The following RABGAP1 variants were observed in gnomAD, a reference collection of about 807,000 sequenced individuals.
RABGAP1 encodes RAB GTPase activating protein 1, also known as rab GTPase-activating protein 1.
In RABGAP1, 23 loss-of-function variants were observed where a neutral mutation model predicts 137.6. That is an observed-to-expected ratio of 0.17 (90% CI 0.12 to 0.24). The LOEUF (loss-of-function observed/expected upper bound fraction) is 0.24, where lower values mean the gene tolerates loss of function less well. Ranked by LOEUF, RABGAP1 falls within the 10% of genes least tolerant of loss-of-function variation. The pLI is 1.00. For missense variants in RABGAP1, 906 were observed against 1,275.8 expected, an observed-to-expected ratio of 0.71 and a Z score of 4.42; for synonymous variants, 451 against 450.7, an observed-to-expected ratio of 1.00 and a Z score of -0.01.
rs552457119 is a variant in RABGAP1, at chr9:123,051,216, G to GTTTTTTTTTTTTT, written c.1795-14096_1795-14084dup. On this transcript the variant is annotated intron_variant, in intron 13 of 25. Coordinates refer to ENST00000373647, the MANE Select transcript of RABGAP1 (RefSeq NM_012197.4). Reference sequence around the variant, plus strand: ...ACATGTTGTGATTTTATTCACCTTGGTTTTTTTTTTTTTTTTTTTTTTTTT... The same window carrying GTTTTTTTTTTTTT: ...ACATGTTGTGATTTTATTCACCTTGGTTTTTTTTTTTTTTTTTTTTTTTTTTTTTTTTTTTTTT... 2.6e-4 allele frequency among the ~76,000 whole-genome samples: 9 copies of GTTTTTTTTTTTTT among 34,274 alleles called. 2 individuals are homozygous for GTTTTTTTTTTTTT. Among genetic ancestry groups the GTTTTTTTTTTTTT allele is most frequent in the East Asian group, 8.1e-4 (1 of 1,238 alleles). The allele number at this position is 34,274 out of a possible 152,430, so 22.5% of individuals were successfully genotyped here.
At chr9:122,996,401 T>C (rs1375249324) in intron 7 of RABGAP1, 138 bp from the exon 8 acceptor site, 2 of 1,100,866 alleles carry the variant, frequency 1.8e-6, no homozygotes, top group Non-Finnish European at 2.5e-6. Flanking sequence ...AGGATTATTA[T>C]TTTAGCAACA....
intron 2 of RABGAP1, among the ~76,000 whole-genome samples, chr9:122,960,301 A>C (rs935494083): frequency 7.9e-5 from 12 of 152,218 alleles, no homozygotes; most frequent in Admixed American, 5.2e-4. Context: ...ACTGTAGTGC[A>C]TTGTTGAAAT....
At chr9:122,937,352 G>A (rs552433997), upstream of RABGAP1, among the ~76,000 whole-genome samples, 13 of 152,226 alleles carry the variant, frequency 8.5e-5, no homozygotes, top group East Asian at 1.2e-3. Flanking sequence ...TAATCCCAGC[G>A]CTTTGGGAAG....
At chr9:122,937,396 C>T (rs1001258581), upstream of RABGAP1, among the ~76,000 whole-genome samples, 22 of 152,084 alleles carry the variant, frequency 1.4e-4, no homozygotes, top group African/African-American at 5.1e-4. Flanking sequence ...GTCAGGAGTT[C>T]GAGACCAGCC....
intron 1 of RABGAP1, among the ~76,000 whole-genome samples, chr9:122,954,909 A>G (rs999684107): frequency 2.0e-5 from 3 of 152,224 alleles, no homozygotes; most frequent in Non-Finnish European, 4.4e-5. Context: ...TTTTTGAAAT[A>G]GAGATGTGAC....
intron 11 of RABGAP1, among the ~76,000 whole-genome samples, chr9:123,013,818 T>C (rs1017819363): frequency 6.6e-6 from 1 of 152,212 alleles, no homozygotes; most frequent in African/African-American, 2.4e-5. Context: ...TTGCTGTCTC[T>C]GTTGGAGATG....
intron 2 of RABGAP1, among the ~76,000 whole-genome samples, chr9:122,967,131 A>G (rs1319499862): frequency 6.6e-6 from 1 of 152,192 alleles, no homozygotes; most frequent in African/African-American, 2.4e-5. Flanking sequence ...AGCAGTAGTG[A>G]TCAGGTATGT....
intron 1 of RABGAP1, among the ~76,000 whole-genome samples, chr9:122,944,266 C>T (rs1833803776): frequency 1.3e-5 from 2 of 150,594 alleles, no homozygotes; most frequent in South Asian, 2.1e-4. Flanking sequence ...GTTTTGTTCT[C>T]TTTCCCAGGC....
intron 13 of RABGAP1, among the ~76,000 whole-genome samples, 183 bp from the exon 14 acceptor site, chr9:123,065,165 C>G (rs2034127920): frequency 2.0e-5 from 3 of 152,012 alleles, no homozygotes; most frequent in African/African-American, 7.3e-5. Context: ...TCTTTTTTCC[C>G]CCTTTACATT....
chr9:123,090,251 A>AC, intron 20 of RABGAP1, 24 bp from the exon 21 acceptor site: 1 of 1,557,378 alleles, frequency 6.4e-7, no homozygotes, highest in Non-Finnish European at 8.8e-7. Context: ...ATGTGTCTGT[A>AC]ACTGGTTTCT....
chr9:123,079,512 T>G (rs1206106804), intron 19 of RABGAP1, among the ~76,000 whole-genome samples: 1 of 152,154 alleles, frequency 6.6e-6, no homozygotes, highest in Non-Finnish European at 1.5e-5. Context: ...GTGCTGGGAT[T>G]ACAGGTGTGA....
chr9:123,079,239 G>GTTT (rs56098560), intron 19 of RABGAP1, among the ~76,000 whole-genome samples: 4 of 106,674 alleles, frequency 3.7e-5, no homozygotes, highest in African/African-American at 1.2e-4. Flanking sequence ...GTTTTGTTTT[G>GTTT]TTTTTTTTTT....
chr9:123,026,828 G>A (rs2031997384), intron 13 of RABGAP1, among the ~76,000 whole-genome samples: 1 of 152,140 alleles, frequency 6.6e-6, no homozygotes, highest in African/African-American at 2.4e-5. Context: ...TTTTGTGTTG[G>A]TGGCTTAGCT....
chr9:123,087,812 T>G (rs1200759724), intron 19 of RABGAP1, among the ~76,000 whole-genome samples: 1 of 152,066 alleles, frequency 6.6e-6, no homozygotes, highest in Non-Finnish European at 1.5e-5. Context: ...AGGAACACAC[T>G]CTCCCACTGA....
At chr9:122,985,634 A>G (rs1836332399) in intron 3 of RABGAP1, among the ~76,000 whole-genome samples, 1 of 142,212 alleles carries the variant, frequency 7.0e-6, no homozygotes, top group African/African-American at 2.5e-5. Context: ...AAAAAAAAAG[A>G]TGACAGTCAG....
intron 19 of RABGAP1, among the ~76,000 whole-genome samples, chr9:123,081,849 C>T (rs1012520830): frequency 1.3e-5 from 2 of 152,198 alleles, no homozygotes; most frequent in South Asian, 4.1e-4. Flanking sequence ...CAATAGGGCA[C>T]ATCAAGTGAC....
upstream of RABGAP1, chr9:122,938,131 C>T (rs1237098758): frequency 3.3e-5 from 5 of 152,138 alleles, no homozygotes; most frequent in Admixed American, 6.6e-5. Flanking sequence ...GTAAAATACC[C>T]GCGGAACCCT....
intron 19 of RABGAP1, 144 bp downstream of exon 19, chr9:123,076,906 A>G: frequency 5.3e-5 from 23 of 436,234 alleles, no homozygotes; most frequent in South Asian, 1.0e-4. Flanking sequence ...ATATATAAAT[A>G]ATATTAATGA....
chr9:123,026,659 G>A (rs970679952), intron 13 of RABGAP1, among the ~76,000 whole-genome samples: 1 of 152,122 alleles, frequency 6.6e-6, no homozygotes, highest in Non-Finnish European at 1.5e-5. Flanking sequence ...AGACTCTCAT[G>A]GCTTCTCTTA....
Sources: gnomAD v4.1 joint callset for allele counts (sites outside exome capture counted in the v4.1 genomes callset) on GRCh38, gnomAD v4.1.1 for gene constraint, MANE v1.5 for transcripts, NCBI Gene and HGNC (gene_info 2026-07-23, HGNC 2026-07-21) for gene names.